The following CSTL1 variants were observed in gnomAD, a reference collection of about 807,000 sequenced individuals.
CSTL1 encodes cystatin like 1, also known as cystatin-like 1.
CSTL1 carries 14 observed loss-of-function variants against 14.4 expected under a neutral mutation model. The observed-to-expected ratio is 0.97, with a 90% CI of 0.64 to 1.52. CSTL1 has a LOEUF of 1.52. Ranked by LOEUF, CSTL1 falls within the 40% of genes most tolerant of loss-of-function variation. CSTL1 has a pLI of 0.00. For missense variants in CSTL1, 170 were observed against 168.7 expected (o/e 1.01, Z -0.04); for synonymous variants, 72 against 67.5 (o/e 1.07, Z -0.33).
At position 23,440,291 on chromosome 20, in the gene CSTL1, C is replaced by T; in HGVS notation, c.24C>T (p.Asn8=). ...ACATGGGGATCGGATGCTGGAGAAA[C>T]CCCCTGCTGCTGCTGATTGCCCTGG... is the stretch of plus-strand genomic sequence containing the variant. MGIGCWR[N]PLLLLIALVL... Residue 8 remains asparagine (N), a synonymous_variant, in exon 2 of 4, where the codon AAC becomes AAT. Coordinates refer to ENST00000347397, the MANE Select transcript of CSTL1 (RefSeq NM_138283.1). 1.2e-6 allele frequency: 2 copies of T among 1,614,136 alleles called. No individual in the cohort carries two copies. Among genetic ancestry groups the T allele is most frequent in the Non-Finnish European group, 1.7e-6 (2 of 1,180,022 alleles).
intron 3 of CSTL1, 106 bp downstream of exon 3, chr20:23,444,150 G>A: frequency 1.0e-6 from 1 of 959,966 alleles, no homozygotes; most frequent in Non-Finnish European, 1.6e-6. Context: ...GGCCAGCTGG[G>A]GCCCAGCCCT....
chr20:23,441,372 G>A (rs1986827211), intron 2 of CSTL1, among the ~76,000 whole-genome samples: 1 of 152,168 alleles, frequency 6.6e-6, no homozygotes, highest in African/African-American at 2.4e-5. Context: ...ATCAATTGAA[G>A]GATAATAGAA....
the CSTL1 span, chr20:23,452,735 G>T: frequency 1.1e-5 from 17 of 1,614,182 alleles, no homozygotes; most frequent in Non-Finnish European, 1.2e-5. Context: ...TTTCTTCCTT[G>T]CTTGGTAGGG....
At chr20:23,452,033 G>A in the CSTL1 span, 3 of 670,928 alleles carry the variant, frequency 4.5e-6, no homozygotes, top group Admixed American at 7.8e-5. Flanking sequence ...CTGGTCCTAG[G>A]CGGATTAGCG....
the CSTL1 span, chr20:23,450,677 G>T: frequency 1.1e-6 from 1 of 912,152 alleles, no homozygotes; most frequent in Non-Finnish European, 1.7e-6. Context: ...CGAAGATGGA[G>T]AAAAGGCTAC....
chr20:23,441,379 A>G (rs1763194311), intron 2 of CSTL1, among the ~76,000 whole-genome samples: 1 of 152,258 alleles, frequency 6.6e-6, no homozygotes. Flanking sequence ...GAAGGATAAT[A>G]GAAGAAAGAA....
downstream of CSTL1, among the ~76,000 whole-genome samples, chr20:23,447,081 C>T (rs1986983715): frequency 6.6e-6 from 1 of 152,202 alleles, no homozygotes; most frequent in African/African-American, 2.4e-5. Context: ...CCACATTATC[C>T]TATTTGATCA....
the CSTL1 span, chr20:23,450,688 C>CACCT: frequency 2.4e-5 from 17 of 712,120 alleles, no homozygotes; most frequent in Non-Finnish European, 3.7e-5. Flanking sequence ...AAAAGGCTAC[C>CACCT]ACCTCTCCAC....
downstream of CSTL1, among the ~76,000 whole-genome samples, chr20:23,447,387 A>G (rs553066398): frequency 6.6e-6 from 1 of 152,238 alleles, no homozygotes; most frequent in Admixed American, 6.5e-5. Flanking sequence ...TTCAGCTTCT[A>G]AGAACAATAG....
At chr20:23,460,640 T>G in the CSTL1 span, among the ~76,000 whole-genome samples, 3 of 152,080 alleles carry the variant, frequency 2.0e-5, no homozygotes, top group Admixed American at 2.0e-4. Flanking sequence ...GGGTTCAAAA[T>G]TTAAAGGGAA....
chr20:23,452,998 A>G, the CSTL1 span: 2 of 601,410 alleles, frequency 3.3e-6, no homozygotes, highest in South Asian at 4.0e-5. Flanking sequence ...GAGACTGTGC[A>G]ATGGTTTTTG....
the CSTL1 span, chr20:23,452,780 A>G: frequency 6.2e-7 from 1 of 1,614,036 alleles, no homozygotes; most frequent in Non-Finnish European, 8.5e-7. Context: ...GGCCAACAGG[A>G]GCTGTAGGGC....
intron 2 of CSTL1, among the ~76,000 whole-genome samples, chr20:23,442,040 C>A (rs1205525394): frequency 6.6e-6 from 1 of 152,248 alleles, no homozygotes; most frequent in East Asian, 1.9e-4. Flanking sequence ...GTTCTTGGTT[C>A]TTCCACAATT....
intron 2 of CSTL1, among the ~76,000 whole-genome samples, chr20:23,441,457 C>G (rs1986829001): frequency 6.6e-6 from 1 of 152,214 alleles, no homozygotes; most frequent in African/African-American, 2.4e-5. Flanking sequence ...CTATACAGTC[C>G]CCTTGGTGTC....
the CSTL1 span, chr20:23,452,525 A>G: frequency 4.7e-5 from 50 of 1,068,216 alleles, no homozygotes; most frequent in Non-Finnish European, 7.2e-5. Flanking sequence ...TCCTGACACC[A>G]GTGGCCACCC....
the CSTL1 span, among the ~76,000 whole-genome samples, chr20:23,454,347 A>C: frequency 6.6e-6 from 1 of 151,506 alleles, no homozygotes; most frequent in Non-Finnish European, 1.5e-5. Context: ...ATACACACAC[A>C]CCTACATGTA....
At chr20:23,457,276 C>T in the CSTL1 span, among the ~76,000 whole-genome samples, 5 of 152,110 alleles carry the variant, frequency 3.3e-5, no homozygotes, top group Non-Finnish European at 5.9e-5. Context: ...CTAGCTTGGG[C>T]GAGGGTCAGG....
chr20:23,459,598 T>C, the CSTL1 span: 1 of 152,164 alleles, frequency 6.6e-6, no homozygotes, highest in African/African-American at 2.4e-5. Flanking sequence ...AAACTTTGGT[T>C]CTCTCCTCTG....
chr20:23,445,065 T>C, downstream of CSTL1: 1 of 640,174 alleles, frequency 1.6e-6, no homozygotes, highest in Non-Finnish European at 2.8e-6. Flanking sequence ...ACCCTCACAC[T>C]CTCACCACTC....
Sources: allele counts gnomAD v4.1 joint callset (sites outside exome capture counted in the v4.1 genomes callset), GRCh38; gene constraint gnomAD v4.1.1; transcripts MANE v1.5; gene names NCBI Gene and HGNC (gene_info 2026-07-23, HGNC 2026-07-21).